Variants in ZNF407 observed in about 807,000 individuals in gnomAD.
ZNF407 encodes the protein zinc finger protein 407.
Under a neutral mutation model 131.2 loss-of-function variants are expected in ZNF407, and 17 were observed. The observed-to-expected ratio is 0.13, with a 90% confidence interval of 0.09 to 0.19. ZNF407 has a LOEUF of 0.19. Among genes scored for constraint, ZNF407 ranks in the 10% least tolerant of loss-of-function variants. ZNF407 has a pLI of 1.00. For missense variants in ZNF407, 2,681 were observed against 2,830.6 expected (o/e 0.95, Z 1.20); for synonymous variants, 1,156 against 1,062.0 (o/e 1.09, Z -1.72).
chr18:74,740,235 C>T (rs543811050), intron 3 of ZNF407, among the ~76,000 whole-genome samples: 26 of 152,252 alleles, frequency 1.7e-4, no homozygotes, highest in African/African-American at 3.6e-4. Context: ...TTCCAATTCC[C>T]GCTTCTTTGC....
chr18:74,710,063 T>A (rs1967721462), intron 3 of ZNF407, among the ~76,000 whole-genome samples: 2 of 152,358 alleles, frequency 1.3e-5, no homozygotes, highest in South Asian at 4.1e-4. Context: ...GTAAATACAC[T>A]AAACATGTCA....
chr18:74,714,306 C>G (rs990461071), intron 3 of ZNF407, among the ~76,000 whole-genome samples: 1 of 152,170 alleles, frequency 6.6e-6, no homozygotes, highest in South Asian at 2.1e-4. Context: ...TTTTGCAGTT[C>G]AGCATCTGGC....
At chr18:74,676,624 C>CG (rs1986391577) in intron 3 of ZNF407, among the ~76,000 whole-genome samples, 1 of 151,666 alleles carries the variant, frequency 6.6e-6, no homozygotes, top group African/African-American at 2.4e-5. Context: ...TTAGTAGAGA[C>CG]GGGGTTTCAC....
chr18:74,605,642 G>A (rs1982772096), intron 1 of ZNF407, among the ~76,000 whole-genome samples: 1 of 152,152 alleles, frequency 6.6e-6, no homozygotes, highest in African/African-American at 2.4e-5. Context: ...ACCCTGAATC[G>A]TCAAGAAAAT....
At chr18:74,622,721 C>T (rs967555071) in intron 1 of ZNF407, among the ~76,000 whole-genome samples, 3 of 99,010 alleles carry the variant, frequency 3.0e-5, no homozygotes, top group African/African-American at 1.1e-4. Flanking sequence ...ATGGCATCAC[C>T]ATAGTGGTGT....
At chr18:74,864,308 T>A (rs754155055) in intron 4 of ZNF407, among the ~76,000 whole-genome samples, 47 of 152,204 alleles carry the variant, frequency 3.1e-4, no homozygotes, top group Non-Finnish European at 5.7e-4. Context: ...GAAATTAGAA[T>A]TATAGGGTTT....
intron 3 of ZNF407, among the ~76,000 whole-genome samples, chr18:74,662,742 A>C (rs1228170451): frequency 6.6e-6 from 1 of 152,240 alleles, no homozygotes; most frequent in Non-Finnish European, 1.5e-5. Context: ...AAAGTGTTTC[A>C]TACTATTATT....
chr18:74,751,142 T>C (rs1208608317), intron 3 of ZNF407, among the ~76,000 whole-genome samples: 1 of 152,274 alleles, frequency 6.6e-6, no homozygotes, highest in Non-Finnish European at 1.5e-5. Flanking sequence ...TTCAATTTAC[T>C]CTTTTGTCAT....
chr18:75,062,595 A>G (rs1021159130), intron 8 of ZNF407: 1 of 152,272 alleles, frequency 6.6e-6, no homozygotes, highest in Non-Finnish European at 1.5e-5. Context: ...GTCGATGTTC[A>G]ATAAATATTT....
At chr18:74,850,877 A>G (rs1410111861) in intron 4 of ZNF407, among the ~76,000 whole-genome samples, 2 of 152,190 alleles carry the variant, frequency 1.3e-5, no homozygotes, top group African/African-American at 4.8e-5. Flanking sequence ...CATTGCTATT[A>G]TCATCAGCAC....
chr18:74,603,063 C>T (rs1835026783), intron 1 of ZNF407, among the ~76,000 whole-genome samples: 1 of 152,080 alleles, frequency 6.6e-6, no homozygotes, highest in African/African-American at 2.4e-5. Flanking sequence ...AGGGGCCAAA[C>T]TGCGAAGGGT....
chr18:74,686,119 G>A (rs1223807932), intron 3 of ZNF407, among the ~76,000 whole-genome samples: 1 of 152,184 alleles, frequency 6.6e-6, no homozygotes, highest in Admixed American at 6.5e-5. Context: ...CACTGTGCGA[G>A]TGCCATTGAT....
intron 3 of ZNF407, among the ~76,000 whole-genome samples, chr18:74,719,430 T>C (rs543983868): frequency 3.9e-5 from 6 of 152,116 alleles, no homozygotes; most frequent in Admixed American, 1.3e-4. Context: ...GACGGAGTCT[T>C]GCTCTGTCGC....
At chr18:75,005,897 T>C (rs1972904926) in intron 8 of ZNF407, among the ~76,000 whole-genome samples, 2 of 152,062 alleles carry the variant, frequency 1.3e-5, no homozygotes, top group Admixed American at 6.5e-5. Context: ...CTTGGGAATG[T>C]ATGTTTGAGG....
At chr18:74,931,617 G>T (rs1971983656) in intron 8 of ZNF407, among the ~76,000 whole-genome samples, 3 of 152,024 alleles carry the variant, frequency 2.0e-5, no homozygotes, top group Non-Finnish European at 4.4e-5. Context: ...TATATACCTA[G>T]AAACGAGATG....
intron 8 of ZNF407, among the ~76,000 whole-genome samples, chr18:74,924,189 T>C (rs1971883198): frequency 6.6e-6 from 1 of 152,228 alleles, no homozygotes; most frequent in Non-Finnish European, 1.5e-5. Flanking sequence ...TTTGCCCTTG[T>C]AGGCACCAGT....
At chr18:74,636,865 T>C (rs1375921330) in intron 2 of ZNF407, among the ~76,000 whole-genome samples, 1 of 152,258 alleles carries the variant, frequency 6.6e-6, no homozygotes, top group Non-Finnish European at 1.5e-5. Context: ...GCACTGTCAG[T>C]ATCTCTCTCA....
At chr18:74,981,041 C>T (rs550639279) in intron 8 of ZNF407, among the ~76,000 whole-genome samples, 8 of 152,322 alleles carry the variant, frequency 5.3e-5, no homozygotes, top group South Asian at 2.1e-4. Context: ...TGGGTAAGGA[C>T]GCCTCCAGGA....
At chr18:74,663,405 A>G (rs1985796782) in intron 3 of ZNF407, among the ~76,000 whole-genome samples, 1 of 152,192 alleles carries the variant, frequency 6.6e-6, no homozygotes, top group Admixed American at 6.5e-5. Flanking sequence ...CCTGGGAGGG[A>G]TATATCATAG....
Sources: allele counts gnomAD v4.1 joint callset (sites outside exome capture counted in the v4.1 genomes callset), GRCh38; gene constraint gnomAD v4.1.1; transcripts MANE v1.5; gene names NCBI Gene and HGNC (gene_info 2026-07-23, HGNC 2026-07-21).